Variants in TANK observed in about 807,000 individuals in gnomAD.
TANK encodes the protein TRAF family member associated NFKB activator.
In TANK, 15 loss-of-function variants were observed where a neutral mutation model predicts 43.6. The observed-to-expected ratio is 0.34, with a 90% CI of 0.23 to 0.53. The LOEUF is 0.53. Among genes scored for constraint, TANK ranks in the 20% least tolerant of loss-of-function variants. The probability of loss-of-function intolerance (pLI) is 0.94; values close to 1 mark genes in which losing one functional copy is unlikely to be tolerated. For missense variants in TANK, 417 were observed against 498.6 expected, an observed-to-expected ratio of 0.84 and a Z score of 1.56; for synonymous variants, 162 against 178.2, an observed-to-expected ratio of 0.91 and a Z score of 0.73.
At chr2:161,207,982 A>G (rs1311297017) in intron 4 of TANK, 37 of 855,376 alleles carry the variant, frequency 4.3e-5, no homozygotes, top group Non-Finnish European at 4.6e-5. Context: ...CCTAGCTTCT[A>G]TAATGAATTA....
chr2:161,149,696 T>C (rs994559042), intron 1 of TANK, among the ~76,000 whole-genome samples: 23 of 152,036 alleles, frequency 1.5e-4, no homozygotes, highest in African/African-American at 4.6e-4. Flanking sequence ...TGGAAGGGTG[T>C]TGGTTTTTTT....
intron 1 of TANK, among the ~76,000 whole-genome samples, chr2:161,173,936 A>G (rs1685066278): frequency 6.6e-6 from 1 of 152,190 alleles, no homozygotes; most frequent in Non-Finnish European, 1.5e-5. Flanking sequence ...CAGCTGGGAA[A>G]AAAGGTGAAA....
In TANK at chr2:161,181,920, T is replaced by TA. The variant is rs573487274; in HGVS notation, c.99+2170dup. On this transcript the variant is annotated intron_variant, in intron 2 of 7. Coordinates refer to ENST00000392749, the MANE Select transcript of TANK (RefSeq NM_001199135.3). ...GAGATCTTATGTTGGTTTTCCCAAT[T>TA]AAAAAAAAAAATTACTAGCCTGTGA... is the stretch of plus-strand genomic sequence containing the variant. 4.6e-3 allele frequency among the ~76,000 whole-genome samples: 676 copies of TA among 147,934 alleles called. 3 individuals carry two copies. Among genetic ancestry groups the TA allele is most frequent in the African/African-American group, 0.016 (634 of 40,596 alleles).
intron 4 of TANK, chr2:161,212,031 T>C: frequency 2.3e-6 from 2 of 883,108 alleles, no homozygotes; most frequent in Non-Finnish European, 2.7e-6. Context: ...CATTAAAAGT[T>C]CAGTTTTTTC....
In TANK at chr2:161,231,358, T is replaced by G. The variant is rs1394241960; in HGVS notation, c.908T>G (p.Leu303Arg). Reference protein sequence around the residue: ...IDPIASAIQNLKTTDKTKPSN... With the variant: ...IDPIASAIQNRKTTDKTKPSN... ...CCCATAGCTTCAGCTATACAAAACC[T>G]TAAAACAACTGACAAAACAAAGCCC... Residue 303 changes from leucine to arginine, a missense_variant, in exon 7 of 8, where the codon CTT (leucine) becomes CGT (arginine). Coordinates refer to ENST00000392749, the MANE Select transcript of TANK (RefSeq NM_001199135.3). 2 of 1,614,156 alleles carry G rather than the reference T, an allele frequency of 1.2e-6. No homozygotes were observed. The highest frequency in any genetic ancestry group is 2.2e-5 in the South Asian group (2 of 91,080).
chr2:161,149,774 T>C (rs964132777), intron 1 of TANK, among the ~76,000 whole-genome samples: 5 of 151,620 alleles, frequency 3.3e-5, no homozygotes, highest in African/African-American at 4.8e-5. Context: ...TTCTATGATG[T>C]GGTGCATTGC....
chr2:161,170,101 G>GAATTAAAGGCATGTC, intron 1 of TANK, among the ~76,000 whole-genome samples: 2 of 152,218 alleles, frequency 1.3e-5, no homozygotes, highest in South Asian at 4.1e-4. Context: ...ATGTCTTTGA[G>GAATTAAAGGCATGTC]ATCTATCTTG....
intron 7 of TANK, among the ~76,000 whole-genome samples, chr2:161,235,139 C>G (rs1688118805): frequency 6.6e-6 from 1 of 152,146 alleles, no homozygotes; most frequent in Non-Finnish European, 1.5e-5. Flanking sequence ...TCCCAAGTGA[C>G]TTTTAATCAA....
In TANK at chr2:161,203,467, A is replaced by T. The variant is rs748724214; in HGVS notation, c.100-20A>T. 2 of 1,555,450 alleles carry T rather than the reference A, an allele frequency of 1.3e-6. No individual in the cohort carries two copies. Among genetic ancestry groups the T allele is most frequent in the Admixed American group, 1.8e-5 (1 of 56,218 alleles). On this transcript the variant is annotated intron_variant, in intron 2 of 7. Transcript: ENST00000392749. Reference sequence around the variant, plus strand: ...ATGTCTATCAGTGAATATCAGGCTAACTGGTTTTTATGTCAGCAGACTGAG... The same window carrying T: ...ATGTCTATCAGTGAATATCAGGCTATCTGGTTTTTATGTCAGCAGACTGAG...
chr2:161,212,349 C>G, intron 4 of TANK: 1 of 983,082 alleles, frequency 1.0e-6, no homozygotes, highest in Non-Finnish European at 1.2e-6. Flanking sequence ...GTGTGTGCCA[C>G]TGTGCCTGGC....
upstream of TANK, chr2:161,160,229 C>A: frequency 2.4e-5 from 8 of 331,400 alleles, no homozygotes; most frequent in East Asian, 4.0e-5. Flanking sequence ...CTTTTTTTTT[C>A]TAAGAGGCGG....
In TANK at chr2:161,235,325, T is replaced by A. The variant is rs3754970; in HGVS notation, c.1102-17T>A. The A allele has an allele frequency of 5.7e-6, 9 of 1,572,464 alleles. No individual in the cohort carries two copies. In the South Asian group the frequency reaches 9.3e-5, roughly 16 times the overall value. Reference sequence around the variant, plus strand: ...ATTTAAACATAAGTAACAGATATTTTTGTTTGTTTCCTGCAGCCCATTTGG... The same window carrying A: ...ATTTAAACATAAGTAACAGATATTTATGTTTGTTTCCTGCAGCCCATTTGG... On this transcript the variant is annotated splice_polypyrimidine_tract_variant and intron_variant, in intron 7 of 7. Coordinates refer to ENST00000392749, the MANE Select transcript of TANK (RefSeq NM_001199135.3).
chr2:161,224,822 C>T, intron 6 of TANK, 76 bp downstream of exon 6: 2 of 892,306 alleles, frequency 2.2e-6, no homozygotes, highest in Non-Finnish European at 3.4e-6. Flanking sequence ...TGAAAATATT[C>T]CTGAATGCCT....
intron 2 of TANK, among the ~76,000 whole-genome samples, chr2:161,190,850 G>A (rs1276340663): frequency 6.6e-6 from 1 of 152,098 alleles, no homozygotes; most frequent in East Asian, 1.9e-4. Context: ...CAGTTAGGAA[G>A]GATGAAAAAA....
intron 1 of TANK, among the ~76,000 whole-genome samples, chr2:161,167,983 T>C (rs1468510398): frequency 6.6e-6 from 1 of 152,152 alleles, no homozygotes; most frequent in East Asian, 1.9e-4. Flanking sequence ...AGTTATTTGA[T>C]AGGAATTCTC....
At chr2:161,228,900 A>G (rs760634358) in intron 6 of TANK, among the ~76,000 whole-genome samples, 28 of 152,268 alleles carry the variant, frequency 1.8e-4, no homozygotes, top group Non-Finnish European at 3.1e-4. Flanking sequence ...GCCTAAGAAC[A>G]ATAGGCTATA....
chr2:161,236,227 AAAAG>A (rs1329138669), exon 8 of TANK: 3 of 147,780 alleles, frequency 2.0e-5, no homozygotes, highest in East Asian at 1.9e-4. Context: ...AAAAAAAAAA[AAAAG>A]GGAAGGAAGG....
chr2:161,224,080 C>A, intron 5 of TANK, 89 bp downstream of exon 5: 3 of 867,038 alleles, frequency 3.5e-6, no homozygotes, highest in Admixed American at 3.0e-5. Flanking sequence ...TTAACAATTG[C>A]AAAAAAAATA....
chr2:161,153,786 T>C (rs1262543131), intron 1 of TANK, among the ~76,000 whole-genome samples: 3 of 152,110 alleles, frequency 2.0e-5, no homozygotes, highest in Non-Finnish European at 4.4e-5. Flanking sequence ...AGTCCTCCTG[T>C]AGGCCAGATC....
Sources: gnomAD v4.1 joint callset for allele counts (sites outside exome capture counted in the v4.1 genomes callset) on GRCh38, gnomAD v4.1.1 for gene constraint, MANE v1.5 for transcripts, NCBI Gene and HGNC (gene_info 2026-07-23, HGNC 2026-07-21) for gene names.